ADGRF1: variants seen among roughly 807,000 people sequenced by gnomAD.
The protein encoded by ADGRF1 is G protein-coupled receptor 110.
Under a neutral mutation model 87.2 loss-of-function variants are expected in ADGRF1, and 85 were observed. That is an observed-to-expected ratio of 0.97 (90% CI 0.82 to 1.17). The LOEUF is 1.17. Among genes scored for constraint, ADGRF1 ranks in the 50% most tolerant of loss-of-function variants. ADGRF1 has a pLI of 0.00. For synonymous variants in ADGRF1, 430 were observed against 408.8 expected (o/e 1.05, Z -0.63); for missense variants, 1,169 against 1,077.2 (o/e 1.09, Z -1.19).
Position 47,028,975 on chromosome 6 carries a change from G to C in ADGRF1, c.69+18C>G. On this transcript the variant is annotated intron_variant, in intron 2 of 14. Transcript: ENST00000371253. ...GAGAGTTAGTTGAGAAGAGATATGA[G>C]ACATAGCACCAACTCACCCCCAGGA... The C allele has an allele frequency of 6.2e-7, 1 of 1,605,674 alleles. No individual in the cohort carries two copies. The highest frequency in any genetic ancestry group is 1.1e-5 in the South Asian group (1 of 90,908).
rs562114179 is a variant in ADGRF1 at position 47,016,949 on chromosome 6, G to GAT, written c.612-183_612-182dup. 901 of 468,128 alleles carry GAT rather than the reference G, an allele frequency of 1.9e-3. 8 individuals carry two copies. The highest frequency in any genetic ancestry group is 0.014 in the African/African-American group (661 of 48,448). 29.0% of individuals were successfully genotyped at this position (468,128 alleles called of 1,614,324 possible). A position where few individuals can be genotyped will look rare whatever the true frequency, so the allele number is the denominator to read the frequency against. On this transcript the variant is annotated intron_variant, in intron 7 of 14. Coordinates refer to ENST00000371253, the MANE Select transcript of ADGRF1 (RefSeq NM_153840.4). ...ATCCACCAAAAATACATATATATAT[G>GAT]ATATATATATATGTATAAATACATC...
rs1779293491 is a variant in ADGRF1 at position 46,999,276 on chromosome 6, T to C, written c.*946A>G. 6.6e-6 allele frequency: 1 copy of C among 152,248 alleles called. No homozygotes were observed. The highest frequency in any genetic ancestry group is 1.5e-5 in the Non-Finnish European group (1 of 68,048). The allele number at this position is 152,248 out of a possible 1,614,324, so 9.4% of individuals were successfully genotyped here. A position where few individuals can be genotyped will look rare whatever the true frequency, so the allele number is the denominator to read the frequency against. ...ATAAGGATGTTTTAAGGTACCTCCC[T>C]GGAAGCTGACAACCAAATTCTCCCT... On this transcript the variant is annotated 3_prime_UTR_variant, in exon 15 of 15. Transcript: ENST00000371253.
At chr6:47,007,880 T>C (rs1779577403) in intron 11 of ADGRF1, among the ~76,000 whole-genome samples, 1 of 152,212 alleles carries the variant, frequency 6.6e-6, no homozygotes, top group Non-Finnish European at 1.5e-5. Flanking sequence ...CCTAAGCTTG[T>C]CACTGCTAGG....
chr6:47,036,542 T>C (rs1780594431), intron 1 of ADGRF1, among the ~76,000 whole-genome samples: 1 of 152,186 alleles, frequency 6.6e-6, no homozygotes. Flanking sequence ...CTGTGGGACC[T>C]TTATACATAA....
At chr6:47,036,060 A>G (rs2113910777) in intron 1 of ADGRF1, among the ~76,000 whole-genome samples, 1 of 152,210 alleles carries the variant, frequency 6.6e-6, no homozygotes, top group South Asian at 2.1e-4. Context: ...GTGAAACCCC[A>G]TCTCTACTAA....
chr6:47,005,966 A>G, intron 12 of ADGRF1, 90 bp from the exon 13 acceptor site: 1 of 752,096 alleles, frequency 1.3e-6, no homozygotes, highest in Non-Finnish European at 2.2e-6. Context: ...ATGGTTATTT[A>G]ATAGTATTAT....
At chr6:47,024,449 G>A (rs544951340) in intron 4 of ADGRF1, among the ~76,000 whole-genome samples, 3 of 152,262 alleles carry the variant, frequency 2.0e-5, no homozygotes, top group African/African-American at 7.2e-5. Flanking sequence ...TGAGTAGCTG[G>A]GATTACAGGC....
chr6:47,019,399 G>T, intron 7 of ADGRF1: 1 of 984,764 alleles, frequency 1.0e-6, no homozygotes, highest in Non-Finnish European at 1.2e-6. Flanking sequence ...TTTCCTATGG[G>T]TTGGCCAGAT....
rs1278646169 is a variant in ADGRF1 at position 47,027,795 on chromosome 6, C to T, written c.70-34G>A. ...AAGAAAAAAAATAGTTACGGTGAGA[C>T]TTTGAAGAGTTGTGCTTCATAAGGC... On this transcript the variant is annotated intron_variant, in intron 2 of 14. Coordinates refer to ENST00000371253, the MANE Select transcript of ADGRF1 (RefSeq NM_153840.4). 2.4e-6 allele frequency: 3 copies of T among 1,240,230 alleles called. No individual in the cohort carries two copies. In the South Asian group the frequency reaches 3.6e-5, roughly 15 times the overall value. The allele number at this position is 1,240,230 out of a possible 1,614,324, so 76.8% of individuals were successfully genotyped here.
At chr6:47,027,627 AG>A in intron 3 of ADGRF1, 76 bp downstream of exon 3, 2 of 893,676 alleles carry the variant, frequency 2.2e-6, no homozygotes, top group Non-Finnish European at 3.7e-6. Context: ...ACAACCAGTC[AG>A]GGGCACCGCT....
At chr6:47,005,714 C>A (rs1779505703) in intron 13 of ADGRF1, 103 bp downstream of exon 13, 5 of 697,384 alleles carry the variant, frequency 7.2e-6, no homozygotes, top group South Asian at 6.0e-5. Context: ...GAAAGAAATT[C>A]AAGGGGTTTA....
chr6:47,009,100 TCA>T lies in ADGRF1; in HGVS notation c.2333_2334del (p.Leu778GlnfsTer4), dbSNP rs749373535. The T allele has an allele frequency of 8.7e-6, 14 of 1,613,976 alleles. No homozygotes were observed. The Admixed American group carries it at 1.0e-4, about 12-fold the overall frequency. ...ATGATGGTGGCCTTGTCATCCCGAC[TCA>T]GTCTTTCCCCAACAGTCGGCCTCCA... ...KLWRPTVGER[L>X]SRDDKATIIR... is the part of the protein sequence containing the mutation. On this transcript the variant is annotated frameshift_variant, in exon 11 of 15. Coordinates refer to ENST00000371253, the MANE Select transcript of ADGRF1 (RefSeq NM_153840.4). LOFTEE classifies it high-confidence loss of function.
chr6:47,014,948 G>T lies in ADGRF1; in HGVS notation c.764-104C>A. 2.2e-6 allele frequency: 3 copies of T among 1,390,784 alleles called. No homozygotes were observed. In the South Asian group the frequency reaches 5.1e-5, roughly 24 times the overall value. 86.2% of individuals were successfully genotyped at this position (1,390,784 alleles called of 1,614,324 possible). ...AAATGTTTTAGAACTCATTTTTGGAGATGAAATCCAGGCAAAATTCAGAAG... is the reference window on the plus strand; with the variant it reads ...AAATGTTTTAGAACTCATTTTTGGATATGAAATCCAGGCAAAATTCAGAAG... On this transcript the variant is annotated intron_variant, in intron 8 of 14. Transcript: ENST00000371253.
intron 5 of ADGRF1, among the ~76,000 whole-genome samples, chr6:47,022,540 T>A (rs1316576714): frequency 6.6e-6 from 1 of 152,222 alleles, no homozygotes; most frequent in Non-Finnish European, 1.5e-5. Context: ...TAGTCAAATA[T>A]CATCTCTTCC....
intron 1 of ADGRF1, among the ~76,000 whole-genome samples, chr6:47,038,216 A>G (rs9472971): frequency 0.38 from 57,545 of 152,082 alleles, 11,002 homozygotes; most frequent in Middle Eastern, 0.55. Context: ...TTTTAGTCTA[A>G]CAGTTAGTTC....
Position 47,036,515 on chromosome 6 carries a change from C to A in ADGRF1, c.-44+5676G>T, listed in dbSNP as rs188135059. 4.2e-4 allele frequency among the ~76,000 whole-genome samples: 64 copies of A among 152,264 alleles called. 1 individual carries two copies. In the Middle Eastern group the frequency reaches 0.01, roughly 24 times the overall value. ...ACAAATGATCAGGCCTGCTGGAAAA[C>A]CCCTGCAGAACAGGCTCTGTGGGAC... is the stretch of plus-strand genomic sequence containing the variant. On this transcript the variant is annotated intron_variant, in intron 1 of 14. Coordinates refer to ENST00000371253, the MANE Select transcript of ADGRF1 (RefSeq NM_153840.4).
intron 1 of ADGRF1, among the ~76,000 whole-genome samples, chr6:47,034,804 C>T (rs1780540744): frequency 6.6e-6 from 1 of 152,158 alleles, no homozygotes; most frequent in African/African-American, 2.4e-5. Flanking sequence ...GTGACCCTAC[C>T]TCCAAATCTG....
At chr6:47,027,435 A>T (rs1780269368) in intron 3 of ADGRF1, among the ~76,000 whole-genome samples, 1 of 152,224 alleles carries the variant, frequency 6.6e-6, no homozygotes, top group Non-Finnish European at 1.5e-5. Flanking sequence ...TATGGCCATT[A>T]ATTACATTGT....
At chr6:47,041,218 G>T (rs1448481167) in intron 1 of ADGRF1, among the ~76,000 whole-genome samples, 1 of 152,228 alleles carries the variant, frequency 6.6e-6, no homozygotes, top group African/African-American at 2.4e-5. Flanking sequence ...TTGGGTTATG[G>T]TTAGATAATG....
Sources: gnomAD v4.1 joint callset for allele counts (sites outside exome capture counted in the v4.1 genomes callset) on GRCh38, gnomAD v4.1.1 for gene constraint, MANE v1.5 for transcripts, NCBI Gene and HGNC (gene_info 2026-07-23, HGNC 2026-07-21) for gene names.